Variants in ATP8A1 observed in about 807,000 individuals in gnomAD.
ATP8A1 encodes ATPase phospholipid transporting 8A1, also known as phospholipid-transporting ATPase IA.
A neutral mutation model predicts 177.7 loss-of-function variants in ATP8A1; 90 were observed. The observed-to-expected ratio is 0.51, with a 90% CI of 0.43 to 0.60. The LOEUF (loss-of-function observed/expected upper bound fraction) is 0.60, where lower values mean the gene tolerates loss of function less well. ATP8A1 is among the 20% of genes least tolerant of loss of function. ATP8A1 has a pLI of 0.00. For synonymous variants in ATP8A1, 493 were observed against 485.9 expected (o/e 1.01, Z -0.19); for missense variants, 1,072 against 1,392.8 (o/e 0.77, Z 3.67).
chr4:42,580,591 T>G (rs1732933708), intron 10 of ATP8A1, among the ~76,000 whole-genome samples: 1 of 152,242 alleles, frequency 6.6e-6, no homozygotes, highest in Admixed American at 6.5e-5. Flanking sequence ...AACAGAAAAT[T>G]AAATGTCAGA....
chr4:42,596,663 T>A (rs1734746313), intron 6 of ATP8A1, among the ~76,000 whole-genome samples: 1 of 112,076 alleles, frequency 8.9e-6, no homozygotes, highest in Admixed American at 1.1e-4. Context: ...CGAGACTCCA[T>A]CTCAAAAAAA....
At chr4:42,598,094 T>C (rs1734890213) in intron 6 of ATP8A1, among the ~76,000 whole-genome samples, 1 of 152,160 alleles carries the variant, frequency 6.6e-6, no homozygotes. Flanking sequence ...TATAATCTAA[T>C]TCCATAGATT....
At chr4:42,603,447 T>C (rs1355824078) in intron 5 of ATP8A1, among the ~76,000 whole-genome samples, 1 of 152,198 alleles carries the variant, frequency 6.6e-6, no homozygotes, top group East Asian at 1.9e-4. Context: ...ACTTATTAGT[T>C]TGGGTATGGT....
chr4:42,609,557 C>T (rs974388192), intron 5 of ATP8A1, among the ~76,000 whole-genome samples: 14 of 152,244 alleles, frequency 9.2e-5, no homozygotes, highest in South Asian at 2.1e-4. Flanking sequence ...CAGAGCTCCA[C>T]GACTACTCTC....
intron 15 of ATP8A1, among the ~76,000 whole-genome samples, chr4:42,566,370 T>C (rs1731346809): frequency 6.6e-6 from 1 of 152,222 alleles, no homozygotes; most frequent in South Asian, 2.1e-4. Flanking sequence ...TTTGGATTTA[T>C]AGAGTCATCT....
chr4:42,529,030 T>A (rs1009595005), intron 20 of ATP8A1, among the ~76,000 whole-genome samples: 1 of 152,196 alleles, frequency 6.6e-6, no homozygotes, highest in Non-Finnish European at 1.5e-5. Context: ...ATGTGGATTT[T>A]GGAGGCATCA....
intron 15 of ATP8A1, among the ~76,000 whole-genome samples, chr4:42,560,575 T>C (rs936413005): frequency 5.3e-5 from 8 of 151,462 alleles, no homozygotes; most frequent in Non-Finnish European, 1.0e-4. Flanking sequence ...CTTTAATGAG[T>C]AAGGAACAGG....
rs572030828 is a variant in ATP8A1 at position 42,568,449 on chromosome 4, CCCA to C, written c.1340+709_1340+711del. On this transcript the variant is annotated intron_variant, in intron 15 of 36. Coordinates refer to ENST00000381668, the MANE Select transcript of ATP8A1 (RefSeq NM_006095.2). ...AACATATTTCCTGAAATTTCATTTG[CCCA>C]CCAACTCATGATGAATTATAGAAAT... is the stretch of plus-strand genomic sequence containing the variant. 1.3e-4 allele frequency among the ~76,000 whole-genome samples: 20 copies of C among 152,184 alleles called. No individual in the cohort carries two copies. In the South Asian group the frequency reaches 3.9e-3, roughly 30 times the overall value.
At chr4:42,446,098 A>AAAAAAAAAAG (rs1553874360) in intron 31 of ATP8A1, among the ~76,000 whole-genome samples, 20 of 146,992 alleles carry the variant, frequency 1.4e-4, no homozygotes, top group African/African-American at 4.8e-4. Context: ...AAAAAAAAAA[A>AAAAAAAAAAG]AGAGAAGAGA....
chr4:42,521,062 G>A (rs776808275), intron 22 of ATP8A1, among the ~76,000 whole-genome samples: 11 of 152,156 alleles, frequency 7.2e-5, no homozygotes, highest in Non-Finnish European at 1.6e-4. Context: ...CACCTTTCAA[G>A]ACAGAGGCAC....
chr4:42,504,579 C>A (rs1485651120), intron 23 of ATP8A1, among the ~76,000 whole-genome samples: 1 of 152,220 alleles, frequency 6.6e-6, no homozygotes, highest in African/African-American at 2.4e-5. Context: ...AAGAAGCCAA[C>A]CACTTCTTAC....
At chr4:42,606,036 T>C (rs116489994) in intron 5 of ATP8A1, among the ~76,000 whole-genome samples, 2 of 152,232 alleles carry the variant, frequency 1.3e-5, no homozygotes, top group African/African-American at 4.8e-5. Context: ...CATTCTTGTT[T>C]TTTCTTTCCC....
intron 15 of ATP8A1, among the ~76,000 whole-genome samples, chr4:42,561,156 C>A (rs1395045998): frequency 6.6e-6 from 1 of 152,214 alleles, no homozygotes; most frequent in Non-Finnish European, 1.5e-5. Context: ...GCCACACAAA[C>A]GAGGACAAGT....
chr4:42,550,559 G>C (rs1729403478), intron 18 of ATP8A1, among the ~76,000 whole-genome samples: 1 of 152,130 alleles, frequency 6.6e-6, no homozygotes, highest in Non-Finnish European at 1.5e-5. Context: ...TCTGCTAGCA[G>C]TATATGAGTA....
intron 25 of ATP8A1, 122 bp downstream of exon 25, chr4:42,485,374 G>T: frequency 1.2e-6 from 1 of 832,046 alleles, no homozygotes; most frequent in Non-Finnish European, 1.7e-6. Context: ...AGTCTTGAGT[G>T]AACACATTAG....
At chr4:42,433,269 G>A (rs1218835757) in intron 33 of ATP8A1, among the ~76,000 whole-genome samples, 1 of 126,924 alleles carries the variant, frequency 7.9e-6, no homozygotes, top group Non-Finnish European at 1.7e-5. Context: ...AACAGCTTGG[G>A]CGTCCAGCGC....
At chr4:42,628,579 T>C (rs17448401) in intron 1 of ATP8A1, among the ~76,000 whole-genome samples, 3,758 of 152,264 alleles carry the variant, frequency 0.025, 66 homozygotes, top group South Asian at 0.061. Flanking sequence ...TCCGAGTAGA[T>C]TCTGTCACAC....
rs1358869986 is a variant in ATP8A1 at position 42,555,130 on chromosome 4, TATCTATCTAATCTATC to T, written c.1413+822_1413+837del. On this transcript the variant is annotated intron_variant, in intron 16 of 36. Transcript: ENST00000381668. ...CTATCTATCTATCTATCTATCTATC[TATCTATCTAATCTATC>T]TATCTATCTATCTATCTATCTATCT... Among the ~76,000 whole-genome samples, 279 of 82,880 alleles carry T rather than the reference TATCTATCTAATCTATC, an allele frequency of 3.4e-3. 5 individuals are homozygous for T. The highest frequency in any genetic ancestry group is 5.7e-3 in the Middle Eastern group (1 of 176). 54.4% of individuals were successfully genotyped at this position (82,880 alleles called of 152,430 possible). A position where few individuals can be genotyped will look rare whatever the true frequency, so the allele number is the denominator to read the frequency against.
chr4:42,532,015 T>C (rs1219969540), intron 20 of ATP8A1, among the ~76,000 whole-genome samples: 1 of 151,870 alleles, frequency 6.6e-6, no homozygotes, highest in Non-Finnish European at 1.5e-5. Context: ...GGTGGAAGGA[T>C]CATGTGAGCA....
Sources: gnomAD v4.1 joint callset for allele counts (sites outside exome capture counted in the v4.1 genomes callset) on GRCh38, gnomAD v4.1.1 for gene constraint, MANE v1.5 for transcripts, NCBI Gene and HGNC (gene_info 2026-07-23, HGNC 2026-07-21) for gene names.